The following PTPRT variants were observed in gnomAD, a reference collection of about 807,000 sequenced individuals.
The protein encoded by PTPRT is protein tyrosine phosphatase receptor type T, also known as receptor-type tyrosine-protein phosphatase T.
PTPRT carries 56 observed loss-of-function variants against 176.8 expected under a neutral mutation model. The ratio of observed to expected loss-of-function variants is 0.32; its 90% CI spans 0.26 to 0.40. The LOEUF is 0.40. PTPRT is among the 10% of genes least tolerant of loss of function. The pLI is 1.00. For missense variants in PTPRT, 1,540 were observed against 1,908.2 expected (o/e 0.81, Z 3.60); for synonymous variants, 783 against 739.0 (o/e 1.06, Z -0.96).
intron 8 of PTPRT, among the ~76,000 whole-genome samples, chr20:42,463,214 G>A (rs2145897208): frequency 6.6e-6 from 1 of 151,904 alleles, no homozygotes; most frequent in Admixed American, 6.6e-5. Context: ...AGACTTCTCG[G>A]CAAAAAATTC....
intron 7 of PTPRT, among the ~76,000 whole-genome samples, chr20:42,566,940 A>G (rs1601283323): frequency 6.6e-6 from 1 of 152,188 alleles, no homozygotes; most frequent in East Asian, 1.9e-4. Context: ...TAACTTTTCC[A>G]TGAATCTAAA....
chr20:42,280,751 G>A (rs2057125929), intron 13 of PTPRT, among the ~76,000 whole-genome samples: 1 of 152,064 alleles, frequency 6.6e-6, no homozygotes, highest in Non-Finnish European at 1.5e-5. Context: ...AGCCCAGCAG[G>A]GTGGGCTTCT....
chr20:42,801,971 G>C (rs115788890), intron 2 of PTPRT, among the ~76,000 whole-genome samples: 266 of 152,298 alleles, frequency 1.7e-3, no homozygotes, highest in African/African-American at 5.4e-3. Flanking sequence ...GATTTGCCCA[G>C]AGTCTCACAG....
rs149609264 is a variant in PTPRT at position 42,894,686 on chromosome 20, T to C, written c.89-8754A>G. 4.3e-3 allele frequency among the ~76,000 whole-genome samples: 659 copies of C among 152,180 alleles called. 6 individuals carry two copies. Among genetic ancestry groups the C allele is most frequent in the African/African-American group, 0.015 (626 of 41,510 alleles). On this transcript the variant is annotated intron_variant, in intron 1 of 30. Coordinates refer to ENST00000373187, the MANE Select transcript of PTPRT (RefSeq NM_007050.6). ...CTCGAAAGGAACCTGTTGAGGGAAA[T>C]AAGTGGCTGCACAGTTCTTCCCCAA...
intron 7 of PTPRT, among the ~76,000 whole-genome samples, chr20:42,552,261 C>T (rs2072783505): frequency 6.6e-6 from 1 of 152,154 alleles, no homozygotes; most frequent in Admixed American, 6.5e-5. Context: ...ACCTCCTTAA[C>T]CTGAATTGGG....
intron 6 of PTPRT, among the ~76,000 whole-genome samples, chr20:42,689,734 G>A (rs938027651): frequency 6.6e-6 from 1 of 152,270 alleles, no homozygotes; most frequent in African/African-American, 2.4e-5. Flanking sequence ...AGGGAGGCAG[G>A]AGAGTCGGAG....
intron 2 of PTPRT, among the ~76,000 whole-genome samples, chr20:42,859,933 A>T (rs1421281560): frequency 1.3e-5 from 2 of 152,050 alleles, no homozygotes; most frequent in Non-Finnish European, 2.9e-5. Context: ...GTTCTTAGGG[A>T]CAAAGATATA....
chr20:42,445,055 A>G (rs2059350558), intron 9 of PTPRT, among the ~76,000 whole-genome samples: 1 of 152,126 alleles, frequency 6.6e-6, no homozygotes, highest in African/African-American at 2.4e-5. Context: ...GGATCTTGTT[A>G]AACTGGAGAG....
chr20:42,899,247 A>G (rs1424972208), intron 1 of PTPRT, among the ~76,000 whole-genome samples: 1 of 152,258 alleles, frequency 6.6e-6, no homozygotes, highest in Admixed American at 6.5e-5. Context: ...ACAGATGGCC[A>G]TGGGTCATCC....
Position 42,118,409 on chromosome 20 carries a change from C to T in PTPRT, c.2976G>A (p.Val992=). 6.2e-7 allele frequency: 1 copy of T among 1,611,392 alleles called. No individual in the cohort carries two copies. Among genetic ancestry groups the T allele is most frequent in the Non-Finnish European group, 8.5e-7 (1 of 1,178,554 alleles). Residue 992 remains valine, a synonymous_variant, in exon 21 of 31, where the codon GTG becomes GTA. Transcript: ENST00000373187. The part of the protein sequence containing the change: ...SIVMVTNLVE[V]GRVKCVRYWP... ...GAGTGCAGGAGAGGCTTACCCTGCC[C>T]ACTTCCACCAGGTTTGTGACCATGA...
intron 1 of PTPRT, among the ~76,000 whole-genome samples, chr20:42,999,313 G>A (rs1600636283): frequency 1.3e-5 from 2 of 152,094 alleles, no homozygotes; most frequent in South Asian, 2.1e-4. Flanking sequence ...TCCACATGGC[G>A]GGATTATAAG....
intron 9 of PTPRT, among the ~76,000 whole-genome samples, chr20:42,420,208 G>C (rs2059105788): frequency 6.6e-6 from 1 of 152,130 alleles, no homozygotes; most frequent in Non-Finnish European, 1.5e-5. Context: ...GTTACCAACA[G>C]GCACAATTTC....
At chr20:43,151,209 G>A (rs2014341448) in intron 1 of PTPRT, among the ~76,000 whole-genome samples, 1 of 151,958 alleles carries the variant, frequency 6.6e-6, no homozygotes, top group African/African-American at 2.4e-5. Flanking sequence ...GGGAGGCTGA[G>A]GCAGGAGAAT....
rs552122092 is a variant in PTPRT, at chr20:42,466,317, C to T, written c.1450+5949G>A. Reference sequence around the variant, plus strand: ...ACTTTTGAAACATGCAACTGTTTTGCATATTAAAAACAATTAAATTGAATT... The same window carrying T: ...ACTTTTGAAACATGCAACTGTTTTGTATATTAAAAACAATTAAATTGAATT... On this transcript the variant is annotated intron_variant, in intron 8 of 30. Coordinates refer to ENST00000373187, the MANE Select transcript of PTPRT (RefSeq NM_007050.6). 5.9e-5 allele frequency among the ~76,000 whole-genome samples: 9 copies of T among 152,122 alleles called. No individual in the cohort carries two copies. In the South Asian group the frequency reaches 1.9e-3, roughly 32 times the overall value.
chr20:42,870,949 CTTTTCT>C (rs1371440374), intron 2 of PTPRT, among the ~76,000 whole-genome samples: 157 of 146,616 alleles, frequency 1.1e-3, no homozygotes, highest in Middle Eastern at 7.3e-3. Context: ...AACATATTTT[CTTTTCT>C]TTTTTTTTTT....
intron 7 of PTPRT, among the ~76,000 whole-genome samples, chr20:42,668,931 C>T (rs1241320790): frequency 4.4e-5 from 6 of 137,212 alleles, no homozygotes; most frequent in African/African-American, 5.4e-5. Context: ...AGGATGGTCT[C>T]GATCTCCTGA....
intron 9 of PTPRT, among the ~76,000 whole-genome samples, chr20:42,371,037 C>T (rs16986800): frequency 0.079 from 12,099 of 152,262 alleles, 501 homozygotes; most frequent in Middle Eastern, 0.14. Flanking sequence ...GGCAAACCTT[C>T]CCTGCTCAAG....
chr20:42,509,850 G>A (rs1006240830), intron 7 of PTPRT, among the ~76,000 whole-genome samples: 9 of 151,966 alleles, frequency 5.9e-5, no homozygotes, highest in African/African-American at 1.7e-4. Context: ...CATTCCTGGC[G>A]GGAAGTGTCT....
At chr20:42,990,191 T>G (rs917810104) in intron 1 of PTPRT, among the ~76,000 whole-genome samples, 2 of 152,192 alleles carry the variant, frequency 1.3e-5, no homozygotes, top group Non-Finnish European at 2.9e-5. Context: ...GGTGAACAAC[T>G]TAGAACAGGG....
Sources: allele counts gnomAD v4.1 joint callset (sites outside exome capture counted in the v4.1 genomes callset), GRCh38; gene constraint gnomAD v4.1.1; transcripts MANE v1.5; gene names NCBI Gene and HGNC (gene_info 2026-07-23, HGNC 2026-07-21).